POLQ: variants seen among roughly 807,000 people sequenced by gnomAD.
POLQ encodes epididymis secretory sperm binding protein.
POLQ carries 233 observed loss-of-function variants against 259.2 expected under a neutral mutation model. That is an observed-to-expected ratio of 0.90 (90% CI 0.81 to 1.00). The LOEUF (loss-of-function observed/expected upper bound fraction) is 1.00, where lower values mean the gene tolerates loss of function less well. Among genes scored for constraint, POLQ ranks in the 50% least tolerant of loss-of-function variants. The pLI is 0.00. For missense variants in POLQ, 2,871 were observed against 3,051.6 expected (o/e 0.94, Z 1.39); for synonymous variants, 1,025 against 1,048.8 (o/e 0.98, Z 0.44).
intron 6 of POLQ, among the ~76,000 whole-genome samples, chr3:121,531,993 ACAG>A: frequency 6.6e-6 from 1 of 152,314 alleles, no homozygotes; most frequent in African/African-American, 2.4e-5. Context: ...CTGCACAAAA[ACAG>A]CAGATGCCTC....
intron 9 of POLQ, among the ~76,000 whole-genome samples, chr3:121,513,509 C>T (rs571297001): frequency 2.9e-5 from 4 of 136,010 alleles, no homozygotes; most frequent in African/African-American, 5.6e-5. Context: ...GGCTGAGGCA[C>T]GAGAATCACT....
At chr3:121,437,988 G>T (rs1440012073) in intron 27 of POLQ, among the ~76,000 whole-genome samples, 1 of 152,176 alleles carries the variant, frequency 6.6e-6, no homozygotes. Flanking sequence ...AAGGCGATGG[G>T]TGGTGATTAG....
In POLQ at chr3:121,521,976, C is replaced by T. The variant is rs773568975; in HGVS notation, c.1255+27G>A. ...ACAGTATGAGGAATTTTGGAGGTTT[C>T]TTAATAACATTATAAATATGAAATA... is the stretch of plus-strand genomic sequence containing the variant. On this transcript the variant is annotated intron_variant, in intron 8 of 29. Coordinates refer to ENST00000264233, the MANE Select transcript of POLQ (RefSeq NM_199420.4). The T allele has an allele frequency of 5.3e-6, 8 of 1,502,564 alleles. No individual in the cohort carries two copies. The South Asian group carries it at 1.0e-4, about 19-fold the overall frequency. The allele number at this position is 1,502,564 out of a possible 1,614,324, so 93.1% of individuals were successfully genotyped here.
chr3:121,522,197 TTAAGTG>T, intron 7 of POLQ, 48 bp from the exon 8 acceptor site: 1 of 1,508,444 alleles, frequency 6.6e-7, no homozygotes, highest in Non-Finnish European at 9.0e-7. Flanking sequence ...CTCAGCTTCT[TTAAGTG>T]TATCTGTCTA....
In POLQ at chr3:121,489,236, T is replaced by G; in HGVS notation, c.3695A>C (p.Asn1232Thr). ...TATCCTTTCACAATTGATAGTAACA[T>G]TTGAGTCTCTATTTATGTAACTACT... ...AVSSYINRDS[N>T]VTINCERIKL... Residue 1232 changes from asparagine (N) to threonine (T), a missense_variant, in exon 16 of 30, where the codon AAT becomes ACT. By Grantham distance (65) the Asn-to-Thr change is moderately conservative. Around this residue, in one of 3 missense-constraint regions of POLQ, gnomAD observed 2,080 missense variants for 2,126.0 expected, o/e 0.98. Transcript: ENST00000264233. 1 of 1,611,926 alleles carries G rather than the reference T, an allele frequency of 6.2e-7. No individual in the cohort carries two copies. The highest frequency in any genetic ancestry group is 1.1e-5 in the South Asian group (1 of 90,672).
chr3:121,456,591 A>G (rs1560088668), intron 25 of POLQ, among the ~76,000 whole-genome samples: 2 of 151,980 alleles, frequency 1.3e-5, no homozygotes, highest in African/African-American at 2.4e-5. Flanking sequence ...CACCAATAAC[A>G]GACAAACAGA....
At chr3:121,497,048 G>A in intron 13 of POLQ, 116 bp from the exon 14 acceptor site, 1 of 1,013,068 alleles carries the variant, frequency 9.9e-7, no homozygotes, top group East Asian at 2.5e-5. Flanking sequence ...ATAATACATT[G>A]TGGTGAGATT....
intron 9 of POLQ, among the ~76,000 whole-genome samples, chr3:121,519,043 T>TA (rs1217945704): frequency 6.1e-4 from 92 of 150,552 alleles, no homozygotes; most frequent in Middle Eastern, 3.4e-3. Context: ...TGATACAAGG[T>TA]AAAAAAAAAT....
At chr3:121,439,802 GTTCA>G (rs2047574674) in intron 27 of POLQ, among the ~76,000 whole-genome samples, 186 bp downstream of exon 27, 4 of 152,224 alleles carry the variant, frequency 2.6e-5, no homozygotes, top group African/African-American at 7.2e-5. Context: ...CCCAGACTCT[GTTCA>G]GCAAATACTG....
chr3:121,470,605 C>T (rs539831272), intron 22 of POLQ, among the ~76,000 whole-genome samples: 21 of 152,162 alleles, frequency 1.4e-4, no homozygotes, highest in Admixed American at 1.1e-3. Flanking sequence ...TTACCTTATT[C>T]GTTTATTGGT....
In POLQ at chr3:121,519,962, A is replaced by G. The variant is rs751876099; in HGVS notation, c.1377T>C (p.Ile459=). The change falls in exon 9 of 30, where the codon ATT becomes ATC. Residue 459 remains isoleucine, a synonymous_variant. Coordinates refer to ENST00000264233, the MANE Select transcript of POLQ (RefSeq NM_199420.4). ...GTCGACCACCAAAAATAGGGGTTCG[A>G]ATAATCACACGACGTGCAGGTAAAT... The part of the protein sequence containing the change: ...GVNLPARRVI[I]RTPIFGGRPL... The G allele has an allele frequency of 4.3e-6, 7 of 1,612,838 alleles. No homozygotes were observed. The Admixed American group carries it at 8.3e-5, about 19-fold the overall frequency.
At chr3:121,520,210 T>C in intron 8 of POLQ, 127 bp from the exon 9 acceptor site, 1 of 645,978 alleles carries the variant, frequency 1.5e-6, no homozygotes, top group Non-Finnish European at 2.8e-6. Flanking sequence ...TTATGACTGT[T>C]GACAAAGGAG....
At chr3:121,537,527 T>C (rs1430021001) in intron 4 of POLQ, among the ~76,000 whole-genome samples, 1 of 152,204 alleles carries the variant, frequency 6.6e-6, no homozygotes, top group Non-Finnish European at 1.5e-5. Flanking sequence ...TAATTCCCAC[T>C]TACGAGTGAG....
In POLQ at chr3:121,541,394, A is replaced by C. The variant is rs760887441; in HGVS notation, c.429T>G (p.Ile143Met). Residue 143 changes from isoleucine (I) to methionine (M), a missense_variant, in exon 3 of 30, where the codon ATT (isoleucine) becomes ATG (methionine). Ile to Met is a conservative substitution (Grantham distance 10, BLOSUM62 1). Around this residue, in one of 3 missense-constraint regions of POLQ, gnomAD observed 783 missense variants for 906.2 expected, o/e 0.86. Coordinates refer to ENST00000264233, the MANE Select transcript of POLQ (RefSeq NM_199420.4). ...CTTTAGCCACAGAAACAAAGGGAAG[A>C]ATAAACAAAGCTTTCTTCCGCATTT... ...VLEMRKKALFILPFVSVAKEK... is the reference protein window; with the variant it reads ...VLEMRKKALFMLPFVSVAKEK... The C allele has an allele frequency of 4.0e-5, 65 of 1,610,208 alleles. No homozygotes were observed. Among genetic ancestry groups the C allele is most frequent in the Non-Finnish European group, 5.3e-5 (62 of 1,178,108 alleles).
intron 25 of POLQ, among the ~76,000 whole-genome samples, chr3:121,452,782 T>C (rs569899221): frequency 2.0e-5 from 3 of 152,296 alleles, no homozygotes; most frequent in Non-Finnish European, 4.4e-5. Context: ...GGCCTGCCTG[T>C]CTCTGTAGGC....
rs2048046849 is a variant in POLQ, at chr3:121,489,580, T to C, written c.3351A>G (p.Gln1117=). Residue 1117 remains glutamine (Q), a synonymous_variant, in exon 16 of 30, where the codon CAA becomes CAG. Transcript: ENST00000264233. ...EKDNKTSFPL[Q]IKQNCSWNIT... ...TGTTCCATGAACAATTTTGCTTTATTTGTAATGGGAATGATGTTTTATTAT... is the reference window on the plus strand; with the variant it reads ...TGTTCCATGAACAATTTTGCTTTATCTGTAATGGGAATGATGTTTTATTAT... 6.2e-7 allele frequency: 1 copy of C among 1,613,066 alleles called. No homozygotes were observed. The highest frequency in any genetic ancestry group is 8.5e-7 in the Non-Finnish European group (1 of 1,179,634).
intron 9 of POLQ, among the ~76,000 whole-genome samples, chr3:121,517,547 T>C (rs1441357110): frequency 6.6e-6 from 1 of 152,198 alleles, no homozygotes; most frequent in Non-Finnish European, 1.5e-5. Flanking sequence ...CTAAAGATTA[T>C]ATTTCCCAGC....
At chr3:121,514,764 C>T (rs1424644031) in intron 9 of POLQ, among the ~76,000 whole-genome samples, 1 of 152,056 alleles carries the variant, frequency 6.6e-6, no homozygotes, top group Admixed American at 6.5e-5. Flanking sequence ...TGGTGGTGCC[C>T]AATCAGAGGT....
At position 121,487,496 on chromosome 3, in the gene POLQ, C is replaced by G; in HGVS notation, c.5435G>C (p.Gly1812Ala). 6.2e-7 allele frequency: 1 copy of G among 1,614,080 alleles called. No individual in the cohort carries two copies. The highest frequency in any genetic ancestry group is 8.5e-7 in the Non-Finnish European group (1 of 1,179,984). The change falls in exon 16 of 30, where the codon GGA becomes GCA. Residue 1812 changes from glycine to alanine, a missense_variant. Around this residue, in one of 3 missense-constraint regions of POLQ, gnomAD observed 2,080 missense variants for 2,126.0 expected, o/e 0.98. Coordinates refer to ENST00000264233, the MANE Select transcript of POLQ (RefSeq NM_199420.4). Reference sequence around the variant, plus strand: ...GCTTGAGGCTGGAGTTAACTGTAATCCATCCTGTGATAACTGAAGTGAAAA... The same window carrying G: ...GCTTGAGGCTGGAGTTAACTGTAATGCATCCTGTGATAACTGAAGTGAAAA... Reference protein sequence around the residue: ...TSFSLQLSQDGLQLTPASSSS... With the variant: ...TSFSLQLSQDALQLTPASSSS...
Sources: allele counts gnomAD v4.1 joint callset (sites outside exome capture counted in the v4.1 genomes callset), GRCh38; gene constraint gnomAD v4.1.1; regional missense constraint gnomAD v4.1.1; transcripts MANE v1.5; gene names NCBI Gene and HGNC (gene_info 2026-07-23, HGNC 2026-07-21).